The following NEURL1 variants were observed in gnomAD, a reference collection of about 807,000 sequenced individuals.
The protein encoded by NEURL1 is E3 ubiquitin-protein ligase NEURL1.
In NEURL1, 26 loss-of-function variants were observed where a neutral mutation model predicts 41.2. That is an observed-to-expected ratio of 0.63 (90% CI 0.46 to 0.87). The LOEUF (loss-of-function observed/expected upper bound fraction) is 0.87, where lower values mean the gene tolerates loss of function less well. Among genes scored for constraint, NEURL1 ranks in the 40% least tolerant of loss-of-function variants. The probability of loss-of-function intolerance (pLI) is 0.00; values close to 1 mark genes in which losing one functional copy is unlikely to be tolerated. For synonymous variants in NEURL1, 400 were observed against 402.3 expected, an observed-to-expected ratio of 0.99 and a Z score of 0.07; for missense variants, 761 against 871.1, an observed-to-expected ratio of 0.87 and a Z score of 1.59.
chr10:103,588,942 GAAAAA>G (rs35294224), intron 4 of NEURL1: 382 of 319,210 alleles, frequency 1.2e-3, no homozygotes, highest in East Asian at 2.1e-3. Flanking sequence ...GACTCCGTCT[GAAAAA>G]AAAAAAAAAA....
intron 1 of NEURL1, among the ~76,000 whole-genome samples, chr10:103,526,761 T>G (rs958982301): frequency 5.9e-5 from 9 of 152,070 alleles, no homozygotes; most frequent in African/African-American, 2.2e-4. Flanking sequence ...CCACCTGCCT[T>G]GGCCTCCCAA....
chr10:103,586,987 G>A (rs2133886409), intron 4 of NEURL1, among the ~76,000 whole-genome samples: 1 of 152,222 alleles, frequency 6.6e-6, no homozygotes, highest in African/African-American at 2.4e-5. Context: ...GGAGGCAGAG[G>A]CTGCAGTGAC....
chr10:103,512,480 C>G (rs890829891), intron 1 of NEURL1, among the ~76,000 whole-genome samples: 1 of 152,210 alleles, frequency 6.6e-6, no homozygotes, highest in African/African-American at 2.4e-5. Flanking sequence ...TTCTCTGTCC[C>G]TCCAAGTAGT....
chr10:103,526,312 C>T (rs1279917578), intron 1 of NEURL1, among the ~76,000 whole-genome samples: 1 of 152,016 alleles, frequency 6.6e-6, no homozygotes, highest in African/African-American at 2.4e-5. Flanking sequence ...GAAGAATTGG[C>T]ATTAGTTTTT....
At position 103,542,158 on chromosome 10, in the gene NEURL1, A is replaced by G. The variant is rs75733446; in HGVS notation, c.86-28714A>G. 5.3e-4 allele frequency among the ~76,000 whole-genome samples: 81 copies of G among 152,296 alleles called. No homozygotes were observed. In the East Asian group the frequency reaches 0.013, roughly 25 times the overall value. ...ATTGTGATTGGCTTATTGCCAGGGT[A>G]TGGCACGCTGGCTGTATGTGAGAAT... On this transcript the variant is annotated intron_variant, in intron 1 of 5. Coordinates refer to ENST00000369780, the MANE Select transcript of NEURL1 (RefSeq NM_004210.5).
At chr10:103,500,422 A>C (rs1385344700) in intron 1 of NEURL1, among the ~76,000 whole-genome samples, 2 of 152,168 alleles carry the variant, frequency 1.3e-5, no homozygotes. Flanking sequence ...CTGGGATTCA[A>C]AGCCAGGGCT....
intron 4 of NEURL1, among the ~76,000 whole-genome samples, 168 bp from the exon 5 acceptor site, chr10:103,589,346 C>T (rs1286496131): frequency 6.6e-6 from 1 of 152,210 alleles, no homozygotes; most frequent in Admixed American, 6.5e-5. Context: ...AGCTATACTC[C>T]ACGGCGGTAA....
rs1377206128 is a variant in NEURL1 at position 103,528,216 on chromosome 10, C to T, written c.85+33744C>T. On this transcript the variant is annotated intron_variant, in intron 1 of 5. Transcript: ENST00000369780. Reference sequence around the variant, plus strand: ...ACTAAAAATACAAAAATTAGCTGGGCGTGGTGGCAGGTGCCTGTAATCCCA... The same window carrying T: ...ACTAAAAATACAAAAATTAGCTGGGTGTGGTGGCAGGTGCCTGTAATCCCA... Among the ~76,000 whole-genome samples, 8 of 152,224 alleles carry T rather than the reference C, an allele frequency of 5.3e-5. No homozygotes were observed. The East Asian group carries it at 9.7e-4, about 18-fold the overall frequency.
chr10:103,588,728 G>T, intron 4 of NEURL1: 1 of 429,254 alleles, frequency 2.3e-6, no homozygotes, highest in South Asian at 1.6e-5. Context: ...GGCAGATCAC[G>T]AGGTGAGGAG....
chr10:103,502,821 G>A (rs538351356), intron 1 of NEURL1, among the ~76,000 whole-genome samples: 79 of 152,334 alleles, frequency 5.2e-4, no homozygotes, highest in African/African-American at 1.9e-3. Flanking sequence ...TGCCAGGGCC[G>A]CCTGTTTCCT....
chr10:103,589,678 T>C lies in NEURL1; in HGVS notation c.1486+18T>C. ...TGCTGGTGGTAAGTAGGCTGGCTCC[T>C]CTGTTCCTTGGTGACCATGTGGGAC... On this transcript the variant is annotated intron_variant, in intron 5 of 5. Transcript: ENST00000369780. 6.2e-7 allele frequency: 1 copy of C among 1,601,148 alleles called. No individual in the cohort carries two copies. The highest frequency in any genetic ancestry group is 8.5e-7 in the Non-Finnish European group (1 of 1,172,098).
intron 1 of NEURL1, among the ~76,000 whole-genome samples, chr10:103,507,009 G>T (rs980314171): frequency 6.6e-6 from 1 of 152,214 alleles, no homozygotes; most frequent in African/African-American, 2.4e-5. Context: ...AGGGCTGGTG[G>T]CCACTGATTC....
chr10:103,497,317 G>A (rs932233308), intron 1 of NEURL1, among the ~76,000 whole-genome samples: 1 of 152,228 alleles, frequency 6.6e-6, no homozygotes, highest in Non-Finnish European at 1.5e-5. Context: ...TAACTGCCTA[G>A]CCAGAGTTCT....
intron 1 of NEURL1, among the ~76,000 whole-genome samples, chr10:103,569,930 G>A (rs1258549748): frequency 6.6e-6 from 1 of 152,182 alleles, no homozygotes; most frequent in Non-Finnish European, 1.5e-5. Flanking sequence ...GAGGGATGCA[G>A]ACCAAAGCCA....
At chr10:103,518,066 T>C (rs1298239237) in intron 1 of NEURL1, among the ~76,000 whole-genome samples, 2 of 152,288 alleles carry the variant, frequency 1.3e-5, no homozygotes, top group South Asian at 2.1e-4. Flanking sequence ...AGACTGAAAT[T>C]TGGGAAAGCT....
intron 1 of NEURL1, among the ~76,000 whole-genome samples, chr10:103,550,064 C>T (rs1404519195): frequency 6.6e-6 from 1 of 152,236 alleles, no homozygotes; most frequent in East Asian, 1.9e-4. Context: ...TTCTATTCCC[C>T]AGTGAATTTG....
intron 1 of NEURL1, among the ~76,000 whole-genome samples, chr10:103,513,789 C>T (rs1053419702): frequency 1.8e-4 from 27 of 152,016 alleles, no homozygotes; most frequent in African/African-American, 9.7e-5. Context: ...GACAGGGGTG[C>T]GGATGAATCT....
At chr10:103,562,329 G>A (rs2133873191) in intron 1 of NEURL1, among the ~76,000 whole-genome samples, 1 of 152,308 alleles carries the variant, frequency 6.6e-6, no homozygotes, top group East Asian at 1.9e-4. Flanking sequence ...GTTGCAGTGA[G>A]CCAAGATCAC....
intron 1 of NEURL1, among the ~76,000 whole-genome samples, chr10:103,496,517 G>A (rs995466646): frequency 1.3e-5 from 2 of 152,070 alleles, no homozygotes; most frequent in Non-Finnish European, 2.9e-5. Flanking sequence ...GGATCATATG[G>A]GATTGCATTT....
Sources: allele counts gnomAD v4.1 joint callset (sites outside exome capture counted in the v4.1 genomes callset), GRCh38; gene constraint gnomAD v4.1.1; transcripts MANE v1.5; gene names NCBI Gene and HGNC (gene_info 2026-07-23, HGNC 2026-07-21).